Variants in ROS1 observed in about 807,000 individuals in gnomAD.
ROS1 encodes proto-oncogene tyrosine-protein kinase ROS.
ROS1 carries 263 observed loss-of-function variants against 273.5 expected under a neutral mutation model. That is an observed-to-expected ratio of 0.96 (90% confidence interval 0.87 to 1.06). The LOEUF (loss-of-function observed/expected upper bound fraction) is 1.06, where lower values mean the gene tolerates loss of function less well. Ranked by LOEUF, ROS1 falls within the 50% of genes least tolerant of loss-of-function variation. The pLI is 0.00. For synonymous variants in ROS1, 1,008 were observed against 954.1 expected (o/e 1.06, Z -1.04); for missense variants, 2,833 against 2,751.1 (o/e 1.03, Z -0.67).
intron 18 of ROS1, among the ~76,000 whole-genome samples, chr6:117,370,055 G>C (rs748717599): frequency 6.6e-6 from 1 of 152,042 alleles, no homozygotes; most frequent in African/African-American, 2.4e-5. Flanking sequence ...GCATATGGAT[G>C]TATGTGTATA....
At position 117,342,509 on chromosome 6, in the gene ROS1, T is replaced by A. The variant is rs139406677; in HGVS notation, c.4542A>T (p.Leu1514Phe). 1.9e-6 allele frequency: 3 copies of A among 1,599,012 alleles called. No homozygotes were observed. Among genetic ancestry groups the A allele is most frequent in the Non-Finnish European group, 1.7e-6 (2 of 1,168,336 alleles). The change falls in exon 29 of 44, where the codon TTA becomes TTT. Residue 1514 changes from leucine (L) to phenylalanine (F), a missense_variant. Leu to Phe is a conservative substitution (Grantham distance 22, BLOSUM62 0). Coordinates refer to ENST00000368507, the MANE Select transcript of ROS1 (RefSeq NM_001378902.1). Reference sequence around the variant, plus strand: ...GTATCATGTATGTTGAAAATGGTTGTAAATCTTCAATAAGAGCTATACTGT... The same window carrying A: ...GTATCATGTATGTTGAAAATGGTTGAAAATCTTCAATAAGAGCTATACTGT... The part of the protein sequence containing the change: ...FQDSIALIED[L>F]QPFSTYMIQI...
chr6:117,318,419 T>A (rs1026500389), intron 37 of ROS1, among the ~76,000 whole-genome samples, 167 bp from the exon 38 acceptor site: 3 of 152,136 alleles, frequency 2.0e-5, no homozygotes, highest in Non-Finnish European at 2.9e-5. Flanking sequence ...AAATGTTACC[T>A]CCTGTTATTG....
chr6:117,306,286 T>C (rs1446450957), intron 42 of ROS1, among the ~76,000 whole-genome samples: 1 of 152,104 alleles, frequency 6.6e-6, no homozygotes, highest in Non-Finnish European at 1.5e-5. Context: ...GGTGTACATA[T>C]TTTTTTAAGA....
At position 117,365,338 on chromosome 6, in the gene ROS1, G is replaced by A. The variant is rs550298087; in HGVS notation, c.2959-134C>T. The A allele has an allele frequency of 2.9e-4, 281 of 955,176 alleles. No homozygotes were observed. In the African/African-American group the frequency reaches 3.5e-3, roughly 12 times the overall value. The allele number at this position is 955,176 out of a possible 1,614,324, so 59.2% of individuals were successfully genotyped here. ...TGCAATTTTGGAAGTGCTAATTTTG[G>A]CAAGTTCTGTGTTGTGCCACACAGA... On this transcript the variant is annotated intron_variant, in intron 20 of 43. Coordinates refer to ENST00000368507, the MANE Select transcript of ROS1 (RefSeq NM_001378902.1).
At chr6:117,330,075 G>A (rs1391501396) in intron 32 of ROS1, among the ~76,000 whole-genome samples, 5 of 152,160 alleles carry the variant, frequency 3.3e-5, no homozygotes, top group Admixed American at 3.3e-4. Flanking sequence ...AATCTCCCTG[G>A]GCGGCGGGGA....
chr6:117,336,018 G>A (rs1393681668), intron 32 of ROS1, among the ~76,000 whole-genome samples: 4 of 152,066 alleles, frequency 2.6e-5, no homozygotes, highest in African/African-American at 9.7e-5. Context: ...ATTTTTAAAT[G>A]AGCATTTGAA....
chr6:117,357,738 G>GACATTACATTAAATTACATT (rs1779444434), intron 25 of ROS1, 66 bp downstream of exon 25: 1 of 1,105,992 alleles, frequency 9.0e-7, no homozygotes, highest in South Asian at 1.5e-5. Context: ...TTAAACCAAA[G>GACATTACATTAAATTACATT]ACATTACATT....
At chr6:117,403,837 T>C (rs1267998020) in intron 6 of ROS1, among the ~76,000 whole-genome samples, 1 of 152,130 alleles carries the variant, frequency 6.6e-6, no homozygotes, top group African/African-American at 2.4e-5. Context: ...AGCATTAGCA[T>C]GTTACAGAGC....
intron 32 of ROS1, among the ~76,000 whole-genome samples, chr6:117,334,820 A>C (rs530527938): frequency 3.2e-4 from 49 of 152,172 alleles, no homozygotes; most frequent in African/African-American, 1.1e-3. Flanking sequence ...CCCATTCCTT[A>C]ACCTTATACA....
intron 27 of ROS1, 83 bp from the exon 28 acceptor site, chr6:117,344,345 A>C: frequency 1.1e-6 from 1 of 904,466 alleles, no homozygotes; most frequent in Non-Finnish European, 1.7e-6. Context: ...GAATAATATC[A>C]AAGCTTAGAA....
At chr6:117,360,075 C>T (rs1779664333) in intron 23 of ROS1, 64 bp from the exon 24 acceptor site, 9 of 1,323,102 alleles carry the variant, frequency 6.8e-6, no homozygotes, top group African/African-American at 2.9e-5. Context: ...AGCAAAGTCT[C>T]GATTTAATAT....
At chr6:117,310,059 C>T (rs2128547841) in intron 41 of ROS1, 22 bp downstream of exon 41, 1 of 1,591,628 alleles carries the variant, frequency 6.3e-7, no homozygotes, top group Non-Finnish European at 8.6e-7. Context: ...GTCAGCATTA[C>T]TCTGTGTCCC....
rs765959775 is a variant in ROS1 at position 117,425,630 on chromosome 6, C to A, written c.27G>T (p.Pro9=). MKNIYCLI[P]KLVNFATLGC... is the part of the protein sequence containing the mutation. ...CAAGAGTTGCAAAATTGACAAGCTT[C>A]GGAATAAGACAGTAAATGTTCTTCA... Residue 9 remains proline (P), a synonymous_variant, in exon 1 of 44, where the codon CCG becomes CCT. Coordinates refer to ENST00000368507, the MANE Select transcript of ROS1 (RefSeq NM_001378902.1). 1 of 1,611,444 alleles carries A rather than the reference C, an allele frequency of 6.2e-7. No homozygotes were observed. Among genetic ancestry groups the A allele is most frequent in the South Asian group, 1.1e-5 (1 of 90,282 alleles).
At position 117,308,927 on chromosome 6, in the gene ROS1, A is replaced by G. The variant is rs760847633; in HGVS notation, c.6418T>C (p.Ser2140Pro). Residue 2140 changes from serine (S) to proline (P), a missense_variant and splice_region_variant, in exon 42 of 44, where the codon TCT becomes CCT. By Grantham distance (74) the Ser-to-Pro change is moderately conservative. Coordinates refer to ENST00000368507, the MANE Select transcript of ROS1 (RefSeq NM_001378902.1). ...ATCTCCCAAATCAGAATTCCAAAAG[A>G]CCTAAGAATAGTAGAGGGTTTGCTT... Reference protein sequence around the residue: ...GIFTTQSDVWSFGILIWEILT... With the variant: ...GIFTTQSDVWPFGILIWEILT... 5.6e-6 allele frequency: 9 copies of G among 1,612,522 alleles called. No homozygotes were observed. The South Asian group carries it at 7.7e-5, about 14-fold the overall frequency.
chr6:117,333,072 A>T (rs1011958580), intron 32 of ROS1, among the ~76,000 whole-genome samples: 3 of 151,936 alleles, frequency 2.0e-5, no homozygotes, highest in African/African-American at 7.2e-5. Flanking sequence ...TTTTTTTAAA[A>T]AATAAAATAA....
At chr6:117,299,036 G>C (rs1774473791) in intron 43 of ROS1, among the ~76,000 whole-genome samples, 1 of 152,164 alleles carries the variant, frequency 6.6e-6, no homozygotes, top group Non-Finnish European at 1.5e-5. Flanking sequence ...TGGAGTTGCT[G>C]TGCCAGTTAT....
chr6:117,359,234 A>G (rs1377987270), intron 24 of ROS1, among the ~76,000 whole-genome samples: 6 of 152,194 alleles, frequency 3.9e-5, no homozygotes, highest in Non-Finnish European at 7.4e-5. Flanking sequence ...TGATTCCACC[A>G]CATCCTGCTC....
At chr6:117,362,573 C>T (rs752188996) in intron 22 of ROS1, 30 bp downstream of exon 22, 3 of 1,597,204 alleles carry the variant, frequency 1.9e-6, no homozygotes, top group South Asian at 1.1e-5. Flanking sequence ...GCTATTAAGA[C>T]TCTCATATCT....
At chr6:117,290,563 C>T (rs983563093) in intron 43 of ROS1, among the ~76,000 whole-genome samples, 4 of 152,158 alleles carry the variant, frequency 2.6e-5, no homozygotes, top group Admixed American at 6.5e-5. Context: ...CCAAGTAAGA[C>T]GGGGTATTTA....
Sources: allele counts gnomAD v4.1 joint callset (sites outside exome capture counted in the v4.1 genomes callset), GRCh38; gene constraint gnomAD v4.1.1; transcripts MANE v1.5; gene names NCBI Gene and HGNC (gene_info 2026-07-23, HGNC 2026-07-21).